Variants in FAM184B observed in about 807,000 individuals in gnomAD.
The protein encoded by FAM184B is family with sequence similarity 184 member B.
In FAM184B, 111 loss-of-function variants were observed where a neutral mutation model predicts 135.9. The ratio of observed to expected loss-of-function variants is 0.82; its 90% CI spans 0.70 to 0.96. The LOEUF (loss-of-function observed/expected upper bound fraction) is 0.96, where lower values mean the gene tolerates loss of function less well. Among genes scored for constraint, FAM184B ranks in the 40% least tolerant of loss-of-function variants. FAM184B has a pLI of 0.00. For missense variants in FAM184B, 1,375 were observed against 1,323.9 expected, an observed-to-expected ratio of 1.04 and a Z score of -0.60; for synonymous variants, 552 against 524.8, an observed-to-expected ratio of 1.05 and a Z score of -0.71.
At position 17,709,279 on chromosome 4, in the gene FAM184B, C is replaced by T. The variant is rs1258249497; in HGVS notation, c.507G>A (p.Glu169=). ...ERRLQHLTSH[E]ATPQGRLPQE... is the part of the protein sequence containing the mutation. ...GGGGCAGCCGGCCCTGCGGGGTAGC[C>T]TCGTGGCTCGTCAGGTGCTGGAGCC... The change falls in exon 2 of 18, where the codon GAG becomes GAA. Residue 169 remains glutamate, a synonymous_variant. Transcript: ENST00000265018. 6.5e-7 allele frequency: 1 copy of T among 1,548,250 alleles called. No individual in the cohort carries two copies. The highest frequency in any genetic ancestry group is 2.4e-5 in the East Asian group (1 of 40,846).
chr4:17,662,926 A>T (rs1212126365), intron 8 of FAM184B, among the ~76,000 whole-genome samples: 2 of 151,932 alleles, frequency 1.3e-5, no homozygotes, highest in East Asian at 3.9e-4. Context: ...CATATGAGCC[A>T]CTCACATATT....
intron 1 of FAM184B, among the ~76,000 whole-genome samples, chr4:17,744,477 A>ACG (rs1718114154): frequency 6.9e-6 from 1 of 144,078 alleles, no homozygotes; most frequent in Admixed American, 6.8e-5. Context: ...ACACACACAC[A>ACG]CACACACACA....
chr4:17,709,414 C>G lies in FAM184B; in HGVS notation c.372G>C (p.Ser124=). The change falls in exon 2 of 18, where the codon TCG becomes TCC. Residue 124 remains serine (S), a synonymous_variant. Transcript: ENST00000265018. ...CTCTCTCCTTCGTCTCCAGCCTGCA[C>G]GAGGCCGACTCAGCCAGCGCCTCCT... ...LTEEALAESA[S]CRLETKEREL... The G allele has an allele frequency of 2.0e-6, 3 of 1,518,394 alleles. No individual in the cohort carries two copies. The highest frequency in any genetic ancestry group is 2.7e-6 in the Non-Finnish European group (3 of 1,127,628). 94.1% of individuals were successfully genotyped at this position (1,518,394 alleles called of 1,614,324 possible). A position where few individuals can be genotyped will look rare whatever the true frequency, so the allele number is the denominator to read the frequency against.
At position 17,773,729 on chromosome 4, in the gene FAM184B, C is replaced by T. The variant is rs567649685; in HGVS notation, c.141+7430G>A. On this transcript the variant is annotated intron_variant, in intron 1 of 17. Transcript: ENST00000265018. ...AGTAGCTGGGATTACAGGCATGCGC[C>T]ACCACACTTGGCTAATTTTGTATTT... Among the ~76,000 whole-genome samples the T allele has an allele frequency of 7.9e-4, 121 of 152,264 alleles. 1 individual carries two copies. The highest frequency in any genetic ancestry group is 3.4e-3 in the Middle Eastern group (1 of 294).
At chr4:17,741,470 G>A (rs1049404840) in intron 1 of FAM184B, among the ~76,000 whole-genome samples, 13 of 152,064 alleles carry the variant, frequency 8.5e-5, no homozygotes, top group East Asian at 5.8e-4. Context: ...GAGGCAGGTG[G>A]ATCACCTGAG....
chr4:17,722,851 T>A (rs2108973273), intron 1 of FAM184B, among the ~76,000 whole-genome samples: 1 of 152,338 alleles, frequency 6.6e-6, no homozygotes, highest in South Asian at 2.1e-4. Context: ...GTGAATGATT[T>A]TTTTTATGAA....
chr4:17,633,828 C>T lies in FAM184B; in HGVS notation c.2950G>A (p.Ala984Thr), dbSNP rs1348547485. The change falls in exon 17 of 18, where the codon GCA (alanine) becomes ACA (threonine). Residue 984 changes from alanine (A) to threonine (T), a missense_variant. Ala to Thr is a moderately conservative substitution (Grantham distance 58). Coordinates refer to ENST00000265018, the MANE Select transcript of FAM184B (RefSeq NM_015688.2). ...AGATCGCCACTCAGAAAGTTCTTTG[C>T]ATAGGAGGCGAGGTTCGGCACGCTG... Reference protein sequence around the residue: ...VVSVPNLASYAKNFLSGDLSS... With the variant: ...VVSVPNLASYTKNFLSGDLSS... 1.9e-6 allele frequency: 3 copies of T among 1,551,510 alleles called. No individual in the cohort carries two copies. The Admixed American group carries it at 5.9e-5, about 30-fold the overall frequency.
chr4:17,722,782 C>T (rs1219594576), intron 1 of FAM184B, among the ~76,000 whole-genome samples: 1 of 152,174 alleles, frequency 6.6e-6, no homozygotes, highest in Non-Finnish European at 1.5e-5. Flanking sequence ...GAATGACTTG[C>T]TTAGAGTTTT....
At chr4:17,656,696 T>C (rs1715784503) in intron 10 of FAM184B, among the ~76,000 whole-genome samples, 1 of 152,040 alleles carries the variant, frequency 6.6e-6, no homozygotes, top group Non-Finnish European at 1.5e-5. Context: ...GCCACAATGC[T>C]CGACTTTCTT....
chr4:17,700,584 C>T (rs997289692), intron 5 of FAM184B, among the ~76,000 whole-genome samples: 8 of 152,136 alleles, frequency 5.3e-5, no homozygotes, highest in African/African-American at 1.7e-4. Flanking sequence ...ATCAACAGAA[C>T]GAGCAGAGAA....
At chr4:17,728,294 G>A (rs569239352) in intron 1 of FAM184B, among the ~76,000 whole-genome samples, 1 of 152,146 alleles carries the variant, frequency 6.6e-6, no homozygotes, top group African/African-American at 2.4e-5. Context: ...GGCTGAGATG[G>A]GAGGATTGCT....
intron 1 of FAM184B, among the ~76,000 whole-genome samples, chr4:17,755,035 T>C (rs1228248568): frequency 6.6e-6 from 1 of 152,024 alleles, no homozygotes; most frequent in Non-Finnish European, 1.5e-5. Flanking sequence ...TAATTTTTAA[T>C]TTTTTTGTAA....
chr4:17,774,992 CTTTTTT>C (rs71167338), intron 1 of FAM184B, among the ~76,000 whole-genome samples: 2 of 81,750 alleles, frequency 2.4e-5, no homozygotes, highest in African/African-American at 5.1e-5. Context: ...TTTTCCTTTT[CTTTTTT>C]TTTTTTTTTT....
rs575151425 is a variant in FAM184B, at chr4:17,728,783, G to A, written c.142-19139C>T. On this transcript the variant is annotated intron_variant, in intron 1 of 17. Coordinates refer to ENST00000265018, the MANE Select transcript of FAM184B (RefSeq NM_015688.2). ...AAAATTTCTGAGAGCCAAGATGGCCGAATAGGAACAGCTCTGGTCTACAGC... is the reference window on the plus strand; with the variant it reads ...AAAATTTCTGAGAGCCAAGATGGCCAAATAGGAACAGCTCTGGTCTACAGC... Among the ~76,000 whole-genome samples, 14 of 152,264 alleles carry A rather than the reference G, an allele frequency of 9.2e-5. 1 individual carries two copies. Among genetic ancestry groups the A allele is most frequent in the African/African-American group, 1.7e-4 (7 of 41,544 alleles).
chr4:17,746,343 A>T (rs111611431), intron 1 of FAM184B, among the ~76,000 whole-genome samples: 121 of 151,768 alleles, frequency 8.0e-4, no homozygotes, highest in African/African-American at 2.7e-3. Flanking sequence ...CTGGCTGAAA[A>T]CTCTACACAT....
intron 12 of FAM184B, among the ~76,000 whole-genome samples, chr4:17,643,459 T>A (rs2108931742): frequency 6.6e-6 from 1 of 152,166 alleles, no homozygotes; most frequent in East Asian, 1.9e-4. Context: ...ACGTATCGGC[T>A]CATGTACTCA....
At chr4:17,718,267 C>T (rs556068709) in intron 1 of FAM184B, among the ~76,000 whole-genome samples, 2 of 152,178 alleles carry the variant, frequency 1.3e-5, no homozygotes, top group Admixed American at 1.3e-4. Flanking sequence ...AGTCATTGAG[C>T]TAAAAAGTGA....
At chr4:17,759,152 T>C (rs985775271) in intron 1 of FAM184B, among the ~76,000 whole-genome samples, 1 of 152,326 alleles carries the variant, frequency 6.6e-6, no homozygotes, top group South Asian at 2.1e-4. Context: ...CTCAGGGGGC[T>C]GGCTTCTGTT....
intron 5 of FAM184B, among the ~76,000 whole-genome samples, chr4:17,696,435 A>G (rs1337735229): frequency 1.3e-5 from 2 of 152,202 alleles, no homozygotes; most frequent in Non-Finnish European, 2.9e-5. Flanking sequence ...GATCATTAAG[A>G]ACCGGACGGG....
Sources: allele counts gnomAD v4.1 joint callset (sites outside exome capture counted in the v4.1 genomes callset), GRCh38; gene constraint gnomAD v4.1.1; transcripts MANE v1.5; gene names NCBI Gene and HGNC (gene_info 2026-07-23, HGNC 2026-07-21).